The following WDR77 variants were observed in gnomAD, a reference collection of about 807,000 sequenced individuals.
WDR77 encodes WD repeat domain 77, also known as methylosome protein WDR77.
WDR77 carries 31 observed loss-of-function variants against 44.0 expected under a neutral mutation model. That is an observed-to-expected ratio of 0.70 (90% CI 0.53 to 0.95). The LOEUF (loss-of-function observed/expected upper bound fraction) is 0.95. WDR77 is among the 40% of genes least tolerant of loss of function. WDR77 has a pLI of 0.00. For missense variants in WDR77, 390 were observed against 423.9 expected (o/e 0.92, Z 0.70); for synonymous variants, 186 against 165.7 (o/e 1.12, Z -0.94).
intron 3 of WDR77, 90 bp downstream of exon 3, chr1:111,447,345 A>T: frequency 1.9e-6 from 3 of 1,569,942 alleles, no homozygotes; most frequent in Non-Finnish European, 2.6e-6. Context: ...TTCTTAGAAT[A>T]AGCCCAAAAT....
intron 4 of WDR77, among the ~76,000 whole-genome samples, chr1:111,446,588 A>G (rs577118570): frequency 1.2e-4 from 18 of 152,350 alleles, no homozygotes; most frequent in African/African-American, 4.1e-4. Flanking sequence ...CTAGATTGCT[A>G]GTGGAGAGAT....
chr1:111,442,271 T>C (rs1308861720), intron 8 of WDR77, 178 bp from the exon 9 acceptor site: 7 of 639,654 alleles, frequency 1.1e-5, no homozygotes, highest in African/African-American at 1.8e-5. Flanking sequence ...ATGAGGGAAA[T>C]GAAGCAAAGT....
In WDR77 at chr1:111,442,729, T is replaced by C. The variant is rs771120635; in HGVS notation, c.724A>G (p.Thr242Ala). 5 of 1,599,878 alleles carry C rather than the reference T, an allele frequency of 3.1e-6. No individual in the cohort carries two copies. In the African/African-American group the frequency reaches 6.7e-5, roughly 21 times the overall value. Residue 242 changes from threonine (T) to alanine (A), a missense_variant, in exon 8 of 10, where the codon ACC (threonine) becomes GCC (alanine). Thr to Ala is a moderately conservative substitution (Grantham distance 58). Transcript: ENST00000235090. ...CTCAGGACACAGCTTGTACTCTTGG[T>C]GTCCACAAGGGAGACTGTCCCATTC... is the stretch of plus-strand genomic sequence containing the variant. ...DENGTVSLVD[T>A]KSTSCVLSSA...
At position 111,443,521 on chromosome 1, in the gene WDR77, G is replaced by A. The variant is rs1478769795; in HGVS notation, c.620-127C>T. On this transcript the variant is annotated intron_variant, in intron 6 of 9. Transcript: ENST00000235090. ...TCCCAAACCCTGCTAAGGCAGCAGT[G>A]TCCTCATCCTTGAGCCTCATAACCA... 2.4e-6 allele frequency: 3 copies of A among 1,258,926 alleles called. No homozygotes were observed. The African/African-American group carries it at 4.5e-5, about 19-fold the overall frequency. The allele number at this position is 1,258,926 out of a possible 1,614,324, so 78.0% of individuals were successfully genotyped here. A position where few individuals can be genotyped will look rare whatever the true frequency, so the allele number is the denominator to read the frequency against.
At chr1:111,441,642 G>C in intron 9 of WDR77, 1 of 1,244,852 alleles carries the variant, frequency 8.0e-7, no homozygotes, top group Non-Finnish European at 1.0e-6. Flanking sequence ...GCAGTAACAG[G>C]CAGCAAATCA....
intron 1 of WDR77, 106 bp from the exon 2 acceptor site, chr1:111,448,910 G>C: frequency 6.5e-7 from 1 of 1,542,066 alleles, no homozygotes; most frequent in Non-Finnish European, 8.7e-7. Context: ...GCTCAGGAAC[G>C]CGGGGCAGGG....
chr1:111,447,446 G>A lies in WDR77; in HGVS notation c.432C>T (p.Ser144=), dbSNP rs1466342309. The change falls in exon 3 of 10, where the codon AGC becomes AGT. Residue 144 remains serine (S), a synonymous_variant. Transcript: ENST00000235090. ...LSSGTQAVSG[S]KDICIKVWDL... Reference sequence around the variant, plus strand: ...GAACAGGGACCCACCAGATGTCTTTGCTACCACTGACAGCTTGTGTGCCAG... The same window carrying A: ...GAACAGGGACCCACCAGATGTCTTTACTACCACTGACAGCTTGTGTGCCAG... 6.2e-7 allele frequency: 1 copy of A among 1,614,150 alleles called. No individual in the cohort carries two copies. The highest frequency in any genetic ancestry group is 1.3e-5 in the African/African-American group (1 of 75,062).
At chr1:111,443,734 G>A (rs1271270566) in intron 6 of WDR77, 133 bp downstream of exon 6, 20 of 1,506,578 alleles carry the variant, frequency 1.3e-5, no homozygotes, top group Non-Finnish European at 1.7e-5. Flanking sequence ...CACTGGAAAA[G>A]AAGGAGATTA....
In WDR77 at chr1:111,447,090, C is replaced by A; in HGVS notation, c.493+5G>T. ...CACCAGGGCTAAAAATGAAAGAATA[C>A]TCACCTCGGTATGAACTCAGTACCA... On this transcript the variant is annotated splice_donor_5th_base_variant and intron_variant, in intron 4 of 9. Coordinates refer to ENST00000235090, the MANE Select transcript of WDR77 (RefSeq NM_024102.4). 1 of 1,613,962 alleles carries A rather than the reference C, an allele frequency of 6.2e-7. No homozygotes were observed.
rs1035824561 is a variant in WDR77 at position 111,440,568 on chromosome 1, T to C, written c.*662A>G. ...TAGAAAAACACTTCTCTCTCATATATGTCCCATCACTAGGGAGCCAGGGGG... is the reference window on the plus strand; with the variant it reads ...TAGAAAAACACTTCTCTCTCATATACGTCCCATCACTAGGGAGCCAGGGGG... On this transcript the variant is annotated 3_prime_UTR_variant, in exon 10 of 10. Coordinates refer to ENST00000235090, the MANE Select transcript of WDR77 (RefSeq NM_024102.4). The C allele has an allele frequency of 3.3e-5, 5 of 152,202 alleles. No individual in the cohort carries two copies. Among genetic ancestry groups the C allele is most frequent in the African/African-American group, 4.8e-5 (2 of 41,434 alleles). The allele number at this position is 152,202 out of a possible 1,614,324, so 9.4% of individuals were successfully genotyped here.
At chr1:111,447,687 T>C in intron 2 of WDR77, 111 bp from the exon 3 acceptor site, 1 of 1,347,622 alleles carries the variant, frequency 7.4e-7, no homozygotes, top group African/African-American at 1.4e-5. Context: ...AGTTAGTTAT[T>C]CCTGTAAAAG....
At chr1:111,441,654 G>C (rs191491670) in intron 9 of WDR77, 33 of 1,176,190 alleles carry the variant, frequency 2.8e-5, no homozygotes, top group African/African-American at 3.1e-5. Context: ...AGCAAATCAC[G>C]GCAAGGAGGG....
In WDR77 at chr1:111,447,501, T is replaced by C; in HGVS notation, c.377A>G (p.Asp126Gly). 1.2e-6 allele frequency: 2 copies of C among 1,614,206 alleles called. No homozygotes were observed. The highest frequency in any genetic ancestry group is 1.7e-6 in the Non-Finnish European group (2 of 1,180,046). ...CAAGACACTGACTGTAGACACAATG[T>C]CATCATGCTCATACTTGCAGAACTT... ...VSKFCKYEHD[D>G]IVSTVSVLSS... The change falls in exon 3 of 10, where the codon GAC becomes GGC. Residue 126 changes from aspartate (D) to glycine (G), a missense_variant. Asp to Gly is a moderately conservative substitution (Grantham distance 94). Coordinates refer to ENST00000235090, the MANE Select transcript of WDR77 (RefSeq NM_024102.4).
Position 111,449,115 on chromosome 1 carries a change from G to A in WDR77, c.55C>T (p.Leu19Phe), listed in dbSNP as rs1350148880. Residue 19 changes from leucine (L) to phenylalanine (F), a missense_variant, in exon 1 of 10, where the codon CTT (leucine) becomes TTT (phenylalanine). By Grantham distance (22) the Leu-to-Phe change is conservative (BLOSUM62 0). Coordinates refer to ENST00000235090, the MANE Select transcript of WDR77 (RefSeq NM_024102.4). ...ATGCAGGCGGGCGCATTTGGGGGAA[G>A]ATTCCACTCCCGGGCCGCCGGGGGC... ...LVPPAAREWN[L>F]PPNAPACMER... The A allele has an allele frequency of 6.2e-7, 1 of 1,603,906 alleles. No homozygotes were observed. The highest frequency in any genetic ancestry group is 8.5e-7 in the Non-Finnish European group (1 of 1,177,150).
At chr1:111,448,525 G>C in intron 2 of WDR77, 94 bp downstream of exon 2, 2 of 1,476,390 alleles carry the variant, frequency 1.4e-6, no homozygotes, top group Middle Eastern at 2.0e-4. Flanking sequence ...CTGAGTATAG[G>C]ACGTTAGATA....
At chr1:111,441,707 G>T in intron 9 of WDR77, 1 of 754,944 alleles carries the variant, frequency 1.3e-6, no homozygotes, top group Non-Finnish European at 1.9e-6. Context: ...TTACCCTGTA[G>T]CAGGCTGCAT....
At position 111,443,363 on chromosome 1, in the gene WDR77, C is replaced by T. The variant is rs781383033; in HGVS notation, c.651G>A (p.Ser217=). ...CACTTTGCTGAGGATGCCAAGCCAG[C>T]GAGGTAGGAAGGTAGCCAGGCGCAC... The part of the protein sequence containing the change: ...GCSAPGYLPT[S]LAWHPQQSEV... The change falls in exon 7 of 10, where the codon TCG becomes TCA. Residue 217 remains serine, a synonymous_variant. Coordinates refer to ENST00000235090, the MANE Select transcript of WDR77 (RefSeq NM_024102.4). 7.1e-6 allele frequency: 11 copies of T among 1,552,116 alleles called. No individual in the cohort carries two copies. Among genetic ancestry groups the T allele is most frequent in the African/African-American group, 1.4e-5 (1 of 73,110 alleles).
chr1:111,442,578 G>A, intron 8 of WDR77, 75 bp downstream of exon 8: 1 of 1,037,046 alleles, frequency 9.6e-7, no homozygotes, highest in Non-Finnish European at 1.3e-6. Context: ...ATCAGCTAAT[G>A]CTTTGAAAAC....
At position 111,447,586 on chromosome 1, in the gene WDR77, G is replaced by A. The variant is rs1475099762; in HGVS notation, c.302-10C>T. On this transcript the variant is annotated splice_polypyrimidine_tract_variant and intron_variant, in intron 2 of 9. Transcript: ENST00000235090. ...CACAATTCAACAGCACCTGTTGGGG[G>A]TAGGGTAAGGAAAACATGAGCTTGG... 2 of 1,614,042 alleles carry A rather than the reference G, an allele frequency of 1.2e-6. No individual in the cohort carries two copies. Among genetic ancestry groups the A allele is most frequent in the East Asian group, 4.5e-5 (2 of 44,902 alleles).
Sources: gnomAD v4.1 joint callset for allele counts (sites outside exome capture counted in the v4.1 genomes callset) on GRCh38, gnomAD v4.1.1 for gene constraint, MANE v1.5 for transcripts, NCBI Gene and HGNC (gene_info 2026-07-23, HGNC 2026-07-21) for gene names.